TSNARE1: variants seen among roughly 807,000 people sequenced by gnomAD.
TSNARE1 encodes t-SNARE domain-containing protein 1.
In TSNARE1, 49 loss-of-function variants were observed where a neutral mutation model predicts 62.0. The ratio of observed to expected loss-of-function variants is 0.79; its 90% CI spans 0.63 to 1.00. TSNARE1 has a LOEUF of 1.00. TSNARE1 is among the 50% of genes least tolerant of loss of function. The pLI, the probability that TSNARE1 is intolerant of heterozygous loss-of-function variation, is 0.00. For missense variants in TSNARE1, 755 were observed against 700.1 expected, an observed-to-expected ratio of 1.08 and a Z score of -0.88; for synonymous variants, 328 against 294.4, an observed-to-expected ratio of 1.11 and a Z score of -1.17.
intron 6 of TSNARE1, among the ~76,000 whole-genome samples, chr8:142,322,706 G>C (rs557087657): frequency 2.0e-5 from 3 of 152,202 alleles, no homozygotes; most frequent in African/African-American, 7.2e-5. Flanking sequence ...TGGAAGTCCA[G>C]CTTGGCCGTG....
At chr8:142,342,680 C>T (rs1832738764) in intron 4 of TSNARE1, among the ~76,000 whole-genome samples, 1 of 152,206 alleles carries the variant, frequency 6.6e-6, no homozygotes, top group Admixed American at 6.5e-5. Flanking sequence ...AGCACCTGTC[C>T]CAGCACCTGT....
At chr8:142,331,072 G>A (rs1415778933) in intron 5 of TSNARE1, 102 bp from the exon 6 acceptor site, 2 of 1,043,688 alleles carry the variant, frequency 1.9e-6, no homozygotes, top group South Asian at 1.4e-5. Context: ...GGTGAGCAGA[G>A]CCCAGGGACC....
At chr8:142,246,771 C>T (rs1817902606) in intron 12 of TSNARE1, among the ~76,000 whole-genome samples, 1 of 152,216 alleles carries the variant, frequency 6.6e-6, no homozygotes, top group African/African-American at 2.4e-5. Context: ...TGAGCCCAAA[C>T]GCCTGCTGTG....
At chr8:142,248,767 G>A (rs1304463827) in intron 12 of TSNARE1, among the ~76,000 whole-genome samples, 3 of 152,178 alleles carry the variant, frequency 2.0e-5, no homozygotes, top group Admixed American at 6.5e-5. Context: ...CCTGGCCCAC[G>A]GGGGCTCCAC....
At position 142,272,779 on chromosome 8, in the gene TSNARE1, A is replaced by T. The variant is rs901436135; in HGVS notation, c.1446+2002T>A. The T allele has an allele frequency of 3.1e-6, 3 of 968,772 alleles. No individual in the cohort carries two copies. The African/African-American group carries it at 5.7e-5, about 18-fold the overall frequency. The allele number at this position is 968,772 out of a possible 1,614,324, so 60.0% of individuals were successfully genotyped here. On this transcript the variant is annotated intron_variant, in intron 12 of 13. Coordinates refer to ENST00000524325, the MANE Select transcript of TSNARE1 (RefSeq NM_145003.5). ...ACATTCTACGCAGAGGCGACTTCAC[A>T]GACACCTGGTCCCTCCTGACACACC...
At chr8:142,283,015 C>T (rs1182192848) in intron 11 of TSNARE1, among the ~76,000 whole-genome samples, 6 of 145,116 alleles carry the variant, frequency 4.1e-5, no homozygotes, top group African/African-American at 7.9e-5. Context: ...TGAGCAGAGG[C>T]GGGGTCAGTG....
At chr8:142,231,143 C>T (rs56031226) in intron 12 of TSNARE1, among the ~76,000 whole-genome samples, 26,865 of 152,186 alleles carry the variant, frequency 0.18, 2,691 homozygotes, top group African/African-American at 0.27. Flanking sequence ...GCTCAGCTCC[C>T]TCAACTGTCT....
intron 1 of TSNARE1, among the ~76,000 whole-genome samples, chr8:142,376,784 G>A (rs1587074633): frequency 6.6e-6 from 1 of 152,170 alleles, no homozygotes; most frequent in Admixed American, 6.5e-5. Context: ...TGGCAGACCC[G>A]GGGCCTGGAG....
chr8:142,317,157 G>A (rs1017079679), intron 7 of TSNARE1, among the ~76,000 whole-genome samples: 1 of 151,308 alleles, frequency 6.6e-6, no homozygotes. Context: ...AAGCGGGTAT[G>A]GCCAGCGGCT....
At chr8:142,236,768 C>T (rs537652488) in intron 12 of TSNARE1, among the ~76,000 whole-genome samples, 5 of 152,242 alleles carry the variant, frequency 3.3e-5, no homozygotes, top group African/African-American at 9.6e-5. Context: ...CCTCATGTTG[C>T]GTATCAATTA....
intron 12 of TSNARE1, among the ~76,000 whole-genome samples, chr8:142,256,392 TACCACCAGCAGCAAC>T (rs1818573437): frequency 2.7e-4 from 1 of 3,748 alleles, no homozygotes; most frequent in African/African-American, 1.1e-3. Flanking sequence ...TCATCACCAA[TACCACCAGCAGCAAC>T]CACCATCATT....
intron 2 of TSNARE1, 50 bp from the exon 3 acceptor site, chr8:142,345,942 T>A (rs1330142732): frequency 6.3e-7 from 1 of 1,577,514 alleles, no homozygotes; most frequent in African/African-American, 1.4e-5. Context: ...AGGGCGCTCC[T>A]GGCAGTGCCA....
At chr8:142,287,912 G>A (rs1457424186) in intron 10 of TSNARE1, among the ~76,000 whole-genome samples, 1 of 152,194 alleles carries the variant, frequency 6.6e-6, no homozygotes, top group East Asian at 1.9e-4. Context: ...CCGCCCTCCA[G>A]GTCGTGGAAC....
intron 1 of TSNARE1, among the ~76,000 whole-genome samples, chr8:142,401,271 G>C (rs1345768684): frequency 6.6e-6 from 1 of 151,984 alleles, no homozygotes; most frequent in African/African-American, 2.4e-5. Flanking sequence ...GGGTGCTCAG[G>C]ACACAAGGGT....
intron 9 of TSNARE1, among the ~76,000 whole-genome samples, chr8:142,307,992 A>G (rs987927531): frequency 5.3e-5 from 8 of 152,200 alleles, no homozygotes; most frequent in Non-Finnish European, 8.8e-5. Flanking sequence ...TCGTGTTGCC[A>G]AGTACACAAT....
Position 142,274,769 on chromosome 8 carries a change from A to ACAC in TSNARE1, c.1446+9_1446+11dup, listed in dbSNP as rs1272899632. The stretch of plus-strand genomic sequence containing the variant: ...GGGCCGGCCGGGCACTGTGGCCCTC[A>ACAC]CACGGACTTACTTGGTGCCGGCTGG... On this transcript the variant is annotated intron_variant, in intron 12 of 13. Transcript: ENST00000524325. 1 of 1,546,472 alleles carries ACAC rather than the reference A, an allele frequency of 6.5e-7. No homozygotes were observed. Among genetic ancestry groups the ACAC allele is most frequent in the East Asian group, 2.5e-5 (1 of 40,332 alleles).
At chr8:142,280,852 GAT>G (rs1428720376) in intron 11 of TSNARE1, among the ~76,000 whole-genome samples, 1 of 152,188 alleles carries the variant, frequency 6.6e-6, no homozygotes, top group African/African-American at 2.4e-5. Flanking sequence ...GTAAGGGAGT[GAT>G]GGGGCAGCCC....
At chr8:142,246,303 C>T (rs1233243243) in intron 12 of TSNARE1, among the ~76,000 whole-genome samples, 1 of 152,154 alleles carries the variant, frequency 6.6e-6, no homozygotes, top group Non-Finnish European at 1.5e-5. Flanking sequence ...GGGCTCCACA[C>T]TGTGCTGGTG....
chr8:142,323,087 T>C (rs114143708), intron 6 of TSNARE1, among the ~76,000 whole-genome samples: 2,002 of 151,812 alleles, frequency 0.013, 41 homozygotes, highest in African/African-American at 0.046. Flanking sequence ...CCGGCCTGGC[T>C]GCATCCGTGG....
Sources: gnomAD v4.1 joint callset for allele counts (sites outside exome capture counted in the v4.1 genomes callset) on GRCh38, gnomAD v4.1.1 for gene constraint, MANE v1.5 for transcripts, NCBI Gene and HGNC (gene_info 2026-07-23, HGNC 2026-07-21) for gene names.